ACOT12: variants seen among roughly 807,000 people sequenced by gnomAD.
ACOT12 encodes acetyl-coenzyme A thioesterase.
A neutral mutation model predicts 67.7 loss-of-function variants in ACOT12; 51 were observed. The ratio of observed to expected loss-of-function variants is 0.75; its 90% CI spans 0.60 to 0.95. The LOEUF is 0.95. ACOT12 is among the 40% of genes least tolerant of loss of function. The pLI, the probability that ACOT12 is intolerant of heterozygous loss-of-function variation, is 0.00. For missense variants in ACOT12, 734 were observed against 708.1 expected (o/e 1.04, Z -0.41); for synonymous variants, 251 against 244.6 (o/e 1.03, Z -0.24).
intron 2 of ACOT12, among the ~76,000 whole-genome samples, chr5:81,385,226 C>T (rs1194881233): frequency 6.6e-6 from 1 of 151,974 alleles, no homozygotes; most frequent in African/African-American, 2.4e-5. Flanking sequence ...GTGGGTGGAT[C>T]GCTTGAGCCC....
intron 5 of ACOT12, among the ~76,000 whole-genome samples, chr5:81,358,534 G>T (rs973371551): frequency 2.6e-5 from 4 of 152,122 alleles, no homozygotes; most frequent in Non-Finnish European, 5.9e-5. Context: ...ATTTAATGAT[G>T]AAGTCTTCAT....
chr5:81,325,594 A>G (rs947036557), downstream of ACOT12, among the ~76,000 whole-genome samples: 118 of 152,202 alleles, frequency 7.8e-4, no homozygotes, highest in African/African-American at 2.6e-3. Flanking sequence ...GTTGTGTCCA[A>G]TGATAAAAAT....
intron 2 of ACOT12, among the ~76,000 whole-genome samples, chr5:81,378,721 C>T (rs1760491786): frequency 6.6e-6 from 1 of 152,084 alleles, no homozygotes; most frequent in Admixed American, 6.6e-5. Context: ...TGCCAACAAA[C>T]ATAAGAAAAA....
At chr5:81,330,736 T>C in intron 14 of ACOT12, 78 bp downstream of exon 14, 1 of 1,566,756 alleles carries the variant, frequency 6.4e-7, no homozygotes, top group Non-Finnish European at 8.6e-7. Context: ...TACAATTAAT[T>C]AGGACATCTG....
At chr5:81,320,037 G>A in the ACOT12 span, among the ~76,000 whole-genome samples, 2 of 152,156 alleles carry the variant, frequency 1.3e-5, no homozygotes, top group Admixed American at 6.5e-5. Flanking sequence ...TGTGAAGATA[G>A]AGAGAAATGG....
chr5:81,343,236 C>T (rs577406655), intron 10 of ACOT12, among the ~76,000 whole-genome samples: 65 of 150,150 alleles, frequency 4.3e-4, no homozygotes, highest in African/African-American at 1.4e-3. Context: ...AAAGCAAAAA[C>T]GAAAAAAAAA....
chr5:81,362,214 G>A (rs1759933662), intron 4 of ACOT12, among the ~76,000 whole-genome samples: 1 of 146,664 alleles, frequency 6.8e-6, no homozygotes, highest in Non-Finnish European at 1.5e-5. Context: ...TGCCCAGGCT[G>A]GAGTGCAATG....
chr5:81,353,902 T>A (rs1759628863), intron 5 of ACOT12, among the ~76,000 whole-genome samples: 1 of 152,170 alleles, frequency 6.6e-6, no homozygotes, highest in African/African-American at 2.4e-5. Context: ...CAGAGATGGG[T>A]TGGTTCTCTT....
chr5:81,353,309 T>TAAAA (rs774120316), intron 5 of ACOT12, among the ~76,000 whole-genome samples: 1,786 of 152,326 alleles, frequency 0.012, 18 homozygotes, highest in South Asian at 0.019. Context: ...AATAGGGTTT[T>TAAAA]CCCAGGTTCA....
chr5:81,381,513 C>T (rs887709882), intron 2 of ACOT12, among the ~76,000 whole-genome samples: 1 of 152,048 alleles, frequency 6.6e-6, no homozygotes, highest in African/African-American at 2.4e-5. Context: ...TACTTTTCTC[C>T]ACCTCATTTT....
At chr5:81,391,479 G>A (rs1760863993) in intron 1 of ACOT12, among the ~76,000 whole-genome samples, 1 of 152,184 alleles carries the variant, frequency 6.6e-6, no homozygotes, top group African/African-American at 2.4e-5. Context: ...CCTGCCTTAA[G>A]TCTCTTTTAT....
At chr5:81,318,706 C>T in the ACOT12 span, among the ~76,000 whole-genome samples, 2 of 152,234 alleles carry the variant, frequency 1.3e-5, no homozygotes, top group South Asian at 4.1e-4. Context: ...TCCTTATTTT[C>T]CTTTTAAGTT....
At position 81,352,378 on chromosome 5, in the gene ACOT12, G is replaced by T. The variant is rs180992499; in HGVS notation, c.497-4448C>A. ...CCTAAGTGTCTATCAACAGATGAAT[G>T]AATAAAGAAAATATGATACATATAC... On this transcript the variant is annotated intron_variant, in intron 5 of 14. Transcript: ENST00000307624. 5.2e-3 allele frequency among the ~76,000 whole-genome samples: 789 copies of T among 152,238 alleles called. 2 individuals carry two copies. The highest frequency in any genetic ancestry group is 8.6e-3 in the Non-Finnish European group (584 of 68,028).
chr5:81,358,050 T>G (rs945599072), intron 5 of ACOT12, among the ~76,000 whole-genome samples: 2 of 145,114 alleles, frequency 1.4e-5, no homozygotes, highest in African/African-American at 2.6e-5. Flanking sequence ...GAAAAACAAC[T>G]GTATTTTGAC....
chr5:81,322,648 A>G, the ACOT12 span, among the ~76,000 whole-genome samples: 2 of 152,184 alleles, frequency 1.3e-5, no homozygotes, highest in Non-Finnish European at 2.9e-5. Context: ...TCTGTTCTCA[A>G]CAGTACTGCT....
intron 5 of ACOT12, among the ~76,000 whole-genome samples, chr5:81,348,823 C>T (rs1183464343): frequency 6.6e-6 from 1 of 152,236 alleles, no homozygotes; most frequent in East Asian, 1.9e-4. Context: ...CTCGGCCTCC[C>T]AAAGTGCTGG....
At chr5:81,382,767 A>C (rs1300900344) in intron 2 of ACOT12, among the ~76,000 whole-genome samples, 3 of 151,526 alleles carry the variant, frequency 2.0e-5, no homozygotes, top group Non-Finnish European at 2.9e-5. Flanking sequence ...GCGCCATCGC[A>C]CTCCAGCCTG....
chr5:81,343,859 C>A lies in ACOT12; in HGVS notation c.1003G>T (p.Glu335Ter), dbSNP rs149926544. Residue 335 changes from glutamate (E) to a stop codon, truncating the protein, a stop_gained, in exon 10 of 15, where the codon GAA becomes TAA. Transcript: ENST00000307624. LOFTEE classifies it high-confidence loss of function. ...LGRKYVISHKEEVPLCIHWDI... is the reference protein window; with the variant it reads ...LGRKYVISHK The stretch of plus-strand genomic sequence containing the variant: ...CAGTGTATGCAAAGTGGAACCTCTT[C>A]TTTGTGGGAAATAACATATTTTCTG... The A allele has an allele frequency of 4.0e-4, 648 of 1,613,138 alleles. No individual in the cohort carries two copies. Among genetic ancestry groups the A allele is most frequent in the Non-Finnish European group, 5.2e-4 (615 of 1,179,812 alleles).
chr5:81,311,134 G>A, the ACOT12 span: 1 of 1,436,576 alleles, frequency 7.0e-7, no homozygotes, highest in East Asian at 2.3e-5. Flanking sequence ...GATCCAGTAA[G>A]ATGTGAAAGT....
Sources: gnomAD v4.1 joint callset for allele counts (sites outside exome capture counted in the v4.1 genomes callset) on GRCh38, gnomAD v4.1.1 for gene constraint, MANE v1.5 for transcripts, NCBI Gene and HGNC (gene_info 2026-07-23, HGNC 2026-07-21) for gene names.